CKAP5: variants seen among roughly 807,000 people sequenced by gnomAD.
The protein encoded by CKAP5 is cytoskeleton associated protein 5, also known as cytoskeleton-associated protein 5.
A neutral mutation model predicts 232.8 loss-of-function variants in CKAP5; 27 were observed. The observed-to-expected ratio is 0.12, with a 90% CI of 0.09 to 0.16. CKAP5 has a LOEUF of 0.16. Among genes scored for constraint, CKAP5 ranks in the 10% least tolerant of loss-of-function variants. The pLI, the probability that CKAP5 is intolerant of heterozygous loss-of-function variation, is 1.00. For missense variants in CKAP5, 1,838 were observed against 2,424.7 expected, an observed-to-expected ratio of 0.76 and a Z score of 5.08; for synonymous variants, 785 against 841.1, an observed-to-expected ratio of 0.93 and a Z score of 1.16.
intron 4 of CKAP5, among the ~76,000 whole-genome samples, chr11:46,812,360 G>T (rs929005031): frequency 2.0e-5 from 3 of 151,992 alleles, no homozygotes; most frequent in Non-Finnish European, 4.4e-5. Context: ...TTAAAAAAAA[G>T]TGTGTTTAAC....
chr11:46,811,096 G>T lies in CKAP5; in HGVS notation c.541C>A (p.Arg181=). 2 of 1,613,958 alleles carry T rather than the reference G, an allele frequency of 1.2e-6. No individual in the cohort carries two copies. Among genetic ancestry groups the T allele is most frequent in the Non-Finnish European group, 1.7e-6 (2 of 1,179,964 alleles). The change falls in exon 5 of 44, where the codon CGA becomes AGA. Residue 181 remains arginine, a synonymous_variant. Coordinates refer to ENST00000529230, the MANE Select transcript of CKAP5 (RefSeq NM_001008938.4). ...KLFESREKAV[R]DEAKLIAVEI... is the part of the protein sequence containing the mutation. ...ACAGCAATTAGTTTGGCTTCATCTC[G>T]AACAGCCTTCTCTCGAGACTCAAAG...
At chr11:46,815,368 G>T (rs1198306959) in intron 4 of CKAP5, among the ~76,000 whole-genome samples, 2 of 151,964 alleles carry the variant, frequency 1.3e-5, no homozygotes, top group Non-Finnish European at 2.9e-5. Context: ...ATTTTTTAAA[G>T]AGACAGGGTC....
chr11:46,818,228 C>CT, intron 3 of CKAP5, 82 bp downstream of exon 3: 1 of 1,100,886 alleles, frequency 9.1e-7, no homozygotes, highest in Non-Finnish European at 1.3e-6. Flanking sequence ...CTGCTAATAA[C>CT]TAAGGACAGT....
chr11:46,807,985 G>T, intron 8 of CKAP5, 46 bp downstream of exon 8: 2 of 1,335,766 alleles, frequency 1.5e-6, no homozygotes, highest in Non-Finnish European at 1.1e-6. Flanking sequence ...AAATTCAAAG[G>T]CCTGATGGCT....
intron 1 of CKAP5, among the ~76,000 whole-genome samples, chr11:46,826,172 G>GCTGT (rs1164517485): frequency 1.3e-5 from 2 of 152,190 alleles, no homozygotes; most frequent in African/African-American, 4.8e-5. Context: ...GGGGTAAAGA[G>GCTGT]CTGTCTCTTT....
chr11:46,747,086 G>A (rs147223265), intron 42 of CKAP5, among the ~76,000 whole-genome samples: 2 of 151,810 alleles, frequency 1.3e-5, no homozygotes, highest in East Asian at 3.9e-4. Context: ...GCAGTGAGCC[G>A]AGATCGTCAC....
chr11:46,843,010 G>A (rs1198618009), intron 1 of CKAP5, among the ~76,000 whole-genome samples: 5 of 150,378 alleles, frequency 3.3e-5, no homozygotes, highest in Non-Finnish European at 7.4e-5. Context: ...GTAGCAGGGT[G>A]TGGTGGCTCA....
rs2065328333 is a variant in CKAP5 at position 46,780,215 on chromosome 11, C to G, written c.2412G>C (p.Gln804His). 1 of 1,613,952 alleles carries G rather than the reference C, an allele frequency of 6.2e-7. No individual in the cohort carries two copies. Among genetic ancestry groups the G allele is most frequent in the Non-Finnish European group, 8.5e-7 (1 of 1,179,974 alleles). ...CTACCTTCTCAAATTCTGCATCTAT[C>G]TGGGATAGGAGGGCAGGCTTCTCAT... Reference protein sequence around the residue: ...FEDEKPALLSQIDAEFEKMQG... With the variant: ...FEDEKPALLSHIDAEFEKMQG... Residue 804 changes from glutamine (Q) to histidine (H), a missense_variant, in exon 20 of 44, where the codon CAG (glutamine) becomes CAC (histidine). Physicochemically the swap from Gln to His is conservative, Grantham distance 24 (BLOSUM62 0). Coordinates refer to ENST00000529230, the MANE Select transcript of CKAP5 (RefSeq NM_001008938.4).
At chr11:46,840,802 T>C (rs1238806160) in intron 1 of CKAP5, among the ~76,000 whole-genome samples, 1 of 152,148 alleles carries the variant, frequency 6.6e-6, no homozygotes, top group Non-Finnish European at 1.5e-5. Flanking sequence ...AGCAAATTAA[T>C]CAAACCCAAG....
intron 1 of CKAP5, among the ~76,000 whole-genome samples, chr11:46,829,053 T>C (rs1028376945): frequency 6.6e-6 from 1 of 152,186 alleles, no homozygotes; most frequent in Admixed American, 6.5e-5. Flanking sequence ...GAGACATTCG[T>C]CTATACAAAA....
chr11:46,777,716 AT>A (rs1305105946), intron 22 of CKAP5, among the ~76,000 whole-genome samples, 164 bp from the exon 23 acceptor site: 1 of 152,234 alleles, frequency 6.6e-6, no homozygotes, highest in Non-Finnish European at 1.5e-5. Context: ...ATTCTAATTA[AT>A]TTTTAGGCAG....
At chr11:46,801,385 T>C in intron 8 of CKAP5, 81 bp from the exon 9 acceptor site, 2 of 1,089,196 alleles carry the variant, frequency 1.8e-6, no homozygotes, top group Non-Finnish European at 2.8e-6. Context: ...AAAAGAACTC[T>C]GAGGCCGGGT....
chr11:46,807,084 C>G (rs1939172832), intron 8 of CKAP5, among the ~76,000 whole-genome samples: 4 of 152,146 alleles, frequency 2.6e-5, no homozygotes, highest in South Asian at 2.1e-4. Context: ...GGAAAAGCTT[C>G]AATCAGGCAA....
Position 46,808,028 on chromosome 11 carries a change from T to C in CKAP5, c.978+3A>G. The C allele has an allele frequency of 1.2e-6, 2 of 1,608,690 alleles. No homozygotes were observed. The highest frequency in any genetic ancestry group is 1.7e-6 in the Non-Finnish European group (2 of 1,175,508). ...TACCAGTACTGCAAGTCCTCATATT[T>C]ACCTTCTTTAATGCTTTTACTAAAT... On this transcript the variant is annotated splice_donor_region_variant and intron_variant, in intron 8 of 43. Transcript: ENST00000529230.
At chr11:46,789,579 G>A (rs915214811) in intron 15 of CKAP5, among the ~76,000 whole-genome samples, 2 of 151,962 alleles carry the variant, frequency 1.3e-5, no homozygotes, top group Admixed American at 6.6e-5. Context: ...GGCGGATCAC[G>A]AGGTCAGGAG....
intron 1 of CKAP5, among the ~76,000 whole-genome samples, chr11:46,828,078 G>C (rs1050073405): frequency 2.0e-5 from 3 of 152,158 alleles, no homozygotes; most frequent in South Asian, 2.1e-4. Context: ...TAAGCTTAAA[G>C]ACCATTTGTA....
At chr11:46,829,938 GA>G (rs1407433868) in intron 1 of CKAP5, among the ~76,000 whole-genome samples, 1 of 151,310 alleles carries the variant, frequency 6.6e-6, no homozygotes, top group Non-Finnish European at 1.5e-5. Flanking sequence ...GACCCCCAAA[GA>G]AATCACGTTG....
Position 46,816,296 on chromosome 11 carries a change from C to T in CKAP5, c.360G>A (p.Glu120=). ...GCTCTTCTTGAACAGCCTCTCCTTTCTCAATCTCTATGTACATAAGACAGA... is the reference window on the plus strand; with the variant it reads ...GCTCTTCTTGAACAGCCTCTCCTTTTTCAATCTCTATGTACATAAGACAGA... ...IEICLMYIEI[E]KGEAVQEELL... Residue 120 remains glutamate, a synonymous_variant, in exon 4 of 44, where the codon GAG becomes GAA. Coordinates refer to ENST00000529230, the MANE Select transcript of CKAP5 (RefSeq NM_001008938.4). 6.2e-7 allele frequency: 1 copy of T among 1,614,172 alleles called. No homozygotes were observed. Among genetic ancestry groups the T allele is most frequent in the Non-Finnish European group, 8.5e-7 (1 of 1,180,014 alleles).
At chr11:46,803,304 AT>A (rs1262545931) in intron 8 of CKAP5, among the ~76,000 whole-genome samples, 6 of 148,456 alleles carry the variant, frequency 4.0e-5, no homozygotes, top group African/African-American at 4.9e-5. Flanking sequence ...CTTCAAAAAG[AT>A]TTTTTTTTTG....
Sources: allele counts gnomAD v4.1 joint callset (sites outside exome capture counted in the v4.1 genomes callset), GRCh38; gene constraint gnomAD v4.1.1; transcripts MANE v1.5; gene names NCBI Gene and HGNC (gene_info 2026-07-23, HGNC 2026-07-21).